Variants in CTNND2 observed in about 807,000 individuals in gnomAD.
CTNND2 encodes catenin delta-2.
Under a neutral mutation model 144.4 loss-of-function variants are expected in CTNND2, and 22 were observed. That is an observed-to-expected ratio of 0.15 (90% CI 0.11 to 0.22). CTNND2 has a LOEUF of 0.22. Ranked by LOEUF, CTNND2 falls within the 10% of genes least tolerant of loss-of-function variation. CTNND2 has a pLI of 1.00. For missense variants in CTNND2, 1,353 were observed against 1,618.8 expected, an observed-to-expected ratio of 0.84 and a Z score of 2.82; for synonymous variants, 751 against 695.6, an observed-to-expected ratio of 1.08 and a Z score of -1.25.
chr5:11,132,183 C>T (rs1283271411), intron 12 of CTNND2, among the ~76,000 whole-genome samples: 2 of 152,178 alleles, frequency 1.3e-5, no homozygotes, highest in East Asian at 3.9e-4. Context: ...TTTCTGTAAG[C>T]TGACTGCTCA....
intron 20 of CTNND2, 133 bp downstream of exon 20, chr5:10,987,978 G>T: frequency 8.8e-7 from 1 of 1,132,866 alleles, no homozygotes; most frequent in Non-Finnish European, 1.3e-6. Flanking sequence ...AAGCTCTCAA[G>T]TGACTGGACA....
Position 11,199,495 on chromosome 5 carries a change from C to T in CTNND2, c.1928G>A (p.Arg643Lys), listed in dbSNP as rs752364935. ...KNCGGIPALV[R>K]LLRKTTDLEI... ...CAGGTCAGTCGTCTTGCGGAGTAAC[C>T]TCACCAGTGCTGGGATGCCACCACA... is the stretch of plus-strand genomic sequence containing the variant. The change falls in exon 11 of 22, where the codon AGG becomes AAG. Residue 643 changes from arginine (R) to lysine (K), a missense_variant. This residue lies in a region of CTNND2 where 117 missense variants were observed against 117.8 expected (regional missense o/e 0.99). Coordinates refer to ENST00000304623, the MANE Select transcript of CTNND2 (RefSeq NM_001332.4). 6.2e-7 allele frequency: 1 copy of T among 1,614,180 alleles called. No individual in the cohort carries two copies. The highest frequency in any genetic ancestry group is 8.5e-7 in the Non-Finnish European group (1 of 1,180,022).
At chr5:11,089,700 C>T (rs867722047) in intron 15 of CTNND2, among the ~76,000 whole-genome samples, 12 of 152,168 alleles carry the variant, frequency 7.9e-5, no homozygotes, top group African/African-American at 2.7e-4. Flanking sequence ...TTCCACAAAA[C>T]GACTGCTAGG....
intron 9 of CTNND2, among the ~76,000 whole-genome samples, chr5:11,316,508 T>C (rs1751512462): frequency 6.8e-6 from 1 of 146,106 alleles, no homozygotes; most frequent in Admixed American, 6.8e-5. Context: ...ATTATTATTA[T>C]ACTTTAAGTT....
rs553131049 is a variant in CTNND2 at position 11,395,660 on chromosome 5, T to C, written c.612+1371A>G. On this transcript the variant is annotated intron_variant, in intron 6 of 21. Coordinates refer to ENST00000304623, the MANE Select transcript of CTNND2 (RefSeq NM_001332.4). ...CAATGGAATGTTTTATCAGTTCCTC[T>C]TACCCATATTCCTATCATTCAGCAT... Among the ~76,000 whole-genome samples, 9 of 152,366 alleles carry C rather than the reference T, an allele frequency of 5.9e-5. No homozygotes were observed. The South Asian group carries it at 6.2e-4, about 11-fold the overall frequency.
intron 3 of CTNND2, among the ~76,000 whole-genome samples, chr5:11,496,925 G>A (rs1336990596): frequency 6.6e-6 from 1 of 152,156 alleles, no homozygotes; most frequent in East Asian, 1.9e-4. Context: ...AAGAGAGCCA[G>A]CCCCTCCTGA....
intron 3 of CTNND2, among the ~76,000 whole-genome samples, chr5:11,461,244 A>G (rs1264342256): frequency 1.3e-5 from 2 of 152,106 alleles, no homozygotes; most frequent in African/African-American, 4.8e-5. Flanking sequence ...GAAGGGACAG[A>G]AAAACATAGA....
chr5:11,150,917 C>T (rs1001386201), intron 12 of CTNND2, among the ~76,000 whole-genome samples: 3 of 152,034 alleles, frequency 2.0e-5, no homozygotes, highest in Admixed American at 6.5e-5. Context: ...TGAGCCACCG[C>T]GTCCAGCCTG....
At chr5:11,111,754 G>T (rs1186309130) in intron 13 of CTNND2, among the ~76,000 whole-genome samples, 1 of 152,142 alleles carries the variant, frequency 6.6e-6, no homozygotes, top group Non-Finnish European at 1.5e-5. Context: ...CTGTAAAATG[G>T]TCATAACAGG....
At position 11,756,960 on chromosome 5, in the gene CTNND2, A is replaced by G. The variant is rs1788977390; in HGVS notation, c.38-24688T>C. Reference sequence around the variant, plus strand: ...AAATGTGACTCCAATATAAAAATTCATAGTACCATTATAAAAAGTTGCTTA... The same window carrying G: ...AAATGTGACTCCAATATAAAAATTCGTAGTACCATTATAAAAAGTTGCTTA... On this transcript the variant is annotated intron_variant, in intron 1 of 21. Coordinates refer to ENST00000304623, the MANE Select transcript of CTNND2 (RefSeq NM_001332.4). Among the ~76,000 whole-genome samples the G allele has an allele frequency of 2.0e-5, 3 of 151,876 alleles. No homozygotes were observed. The South Asian group carries it at 6.2e-4, about 31-fold the overall frequency.
At chr5:10,992,993 C>T (rs1435713324) in intron 18 of CTNND2, among the ~76,000 whole-genome samples, 4 of 152,134 alleles carry the variant, frequency 2.6e-5, no homozygotes, top group Non-Finnish European at 4.4e-5. Context: ...TTAGGGGACC[C>T]GGAAACTGTC....
At chr5:11,861,207 C>A (rs1247863414) in intron 1 of CTNND2, among the ~76,000 whole-genome samples, 2 of 152,186 alleles carry the variant, frequency 1.3e-5, no homozygotes, top group East Asian at 3.8e-4. Flanking sequence ...TCCCATTCAG[C>A]CTTCTCTGCT....
intron 10 of CTNND2, among the ~76,000 whole-genome samples, chr5:11,203,550 C>T (rs1009722818): frequency 3.9e-5 from 6 of 152,126 alleles, no homozygotes; most frequent in Admixed American, 1.3e-4. Context: ...TCAAGCGATT[C>T]GCTTAGAAGA....
In CTNND2 at chr5:11,803,216, A is replaced by T. The variant is rs540510152; in HGVS notation, c.38-70944T>A. Among the ~76,000 whole-genome samples the T allele has an allele frequency of 4.4e-3, 677 of 152,146 alleles. 9 individuals are homozygous for T. Among genetic ancestry groups the T allele is most frequent in the African/African-American group, 0.016 (654 of 41,510 alleles). On this transcript the variant is annotated intron_variant, in intron 1 of 21. Transcript: ENST00000304623. ...GTGCCTGTAATCCCAGCTACTCAGG[A>T]GGCTGAGGCAGGAGAATCGCTTTAA...
chr5:11,233,236 T>C (rs1294576931), intron 10 of CTNND2, among the ~76,000 whole-genome samples: 1 of 152,176 alleles, frequency 6.6e-6, no homozygotes, highest in Admixed American at 6.5e-5. Flanking sequence ...GAGGATTTTA[T>C]CTGCTGACTT....
intron 20 of CTNND2, among the ~76,000 whole-genome samples, chr5:10,986,381 C>T (rs1173165664): frequency 1.3e-5 from 2 of 152,180 alleles, no homozygotes; most frequent in Non-Finnish European, 2.9e-5. Context: ...ATAATGCAGT[C>T]GATCTCACAA....
At chr5:11,787,539 A>G (rs1006768232) in intron 1 of CTNND2, among the ~76,000 whole-genome samples, 1 of 152,224 alleles carries the variant, frequency 6.6e-6, no homozygotes, top group African/African-American at 2.4e-5. Context: ...AGCATTTGTA[A>G]TGTTACCTTT....
At chr5:11,201,036 A>C (rs947428397) in intron 10 of CTNND2, among the ~76,000 whole-genome samples, 5 of 152,080 alleles carry the variant, frequency 3.3e-5, no homozygotes, top group African/African-American at 1.2e-4. Context: ...CTCTAACCAC[A>C]CCGTTTAAAA....
intron 1 of CTNND2, among the ~76,000 whole-genome samples, chr5:11,746,579 T>C (rs904412806): frequency 5.3e-5 from 8 of 152,214 alleles, no homozygotes; most frequent in African/African-American, 1.7e-4. Flanking sequence ...TTCTGTCATT[T>C]GCAATTAAAA....
Sources: allele counts gnomAD v4.1 joint callset (sites outside exome capture counted in the v4.1 genomes callset), GRCh38; gene constraint gnomAD v4.1.1; regional missense constraint gnomAD v4.1.1; transcripts MANE v1.5; gene names NCBI Gene and HGNC (gene_info 2026-07-23, HGNC 2026-07-21).